The following EXOC2 variants were observed in gnomAD, a reference collection of about 807,000 sequenced individuals.
EXOC2 encodes SEC5-like 1.
Under a neutral mutation model 131.8 loss-of-function variants are expected in EXOC2, and 70 were observed. The ratio of observed to expected loss-of-function variants is 0.53; its 90% CI spans 0.44 to 0.65. EXOC2 has a LOEUF of 0.65. Ranked by LOEUF, EXOC2 falls within the 30% of genes least tolerant of loss-of-function variation. EXOC2 has a pLI of 0.00. For missense variants in EXOC2, 923 were observed against 1,108.6 expected (o/e 0.83, Z 2.38); for synonymous variants, 411 against 398.4 (o/e 1.03, Z -0.38).
intron 25 of EXOC2, among the ~76,000 whole-genome samples, chr6:493,297 A>ATAAC (rs1763539822): frequency 6.6e-6 from 1 of 152,238 alleles, no homozygotes; most frequent in African/African-American, 2.4e-5. Flanking sequence ...AAAACAGTAT[A>ATAAC]TAACTAGAAA....
At chr6:505,097 T>C (rs1764451740) in intron 23 of EXOC2, among the ~76,000 whole-genome samples, 1 of 151,828 alleles carries the variant, frequency 6.6e-6, no homozygotes, top group Admixed American at 6.6e-5. Flanking sequence ...GTACAAGGAA[T>C]GGCTAACAGT....
chr6:539,120 A>G (rs1274916488), intron 22 of EXOC2, among the ~76,000 whole-genome samples: 1 of 152,042 alleles, frequency 6.6e-6, no homozygotes, highest in Non-Finnish European at 1.5e-5. Context: ...CGCTTACGAT[A>G]TTTTCAATTT....
chr6:576,923 T>A (rs1257644602), intron 11 of EXOC2, 41 bp from the exon 12 acceptor site: 1 of 1,570,694 alleles, frequency 6.4e-7, no homozygotes, highest in Non-Finnish European at 8.7e-7. Context: ...TATAGCATGC[T>A]CTATATACTC....
chr6:586,515 T>C (rs1244551578), intron 11 of EXOC2, among the ~76,000 whole-genome samples: 1 of 152,232 alleles, frequency 6.6e-6, no homozygotes, highest in Non-Finnish European at 1.5e-5. Context: ...TTCACCTATG[T>C]ATAGCAAAAT....
intron 11 of EXOC2, 104 bp downstream of exon 11, chr6:592,365 T>C (rs1302660103): frequency 2.0e-6 from 2 of 977,024 alleles, no homozygotes; most frequent in African/African-American, 1.6e-5. Flanking sequence ...TAATAAGAGA[T>C]ACCAAGTAAA....
intron 17 of EXOC2, among the ~76,000 whole-genome samples, chr6:558,817 A>T (rs1757556606): frequency 6.6e-6 from 1 of 151,526 alleles, no homozygotes; most frequent in African/African-American, 2.4e-5. Context: ...GGCTCAAAAA[A>T]ATTAAAAATT....
chr6:656,310 T>G (rs1459607244), intron 1 of EXOC2: 16 of 1,614,076 alleles, frequency 9.9e-6, no homozygotes, highest in Non-Finnish European at 1.4e-5. Flanking sequence ...CACAGCCGAC[T>G]GGGGAGGGTT....
intron 1 of EXOC2, among the ~76,000 whole-genome samples, chr6:682,501 C>T (rs1345752619): frequency 6.6e-6 from 1 of 151,920 alleles, no homozygotes; most frequent in Non-Finnish European, 1.5e-5. Context: ...CGCCCGGCCC[C>T]GAGTTTCTAA....
At chr6:566,055 C>T (rs147939970) in intron 13 of EXOC2, among the ~76,000 whole-genome samples, 66 of 152,256 alleles carry the variant, frequency 4.3e-4, no homozygotes, top group African/African-American at 1.5e-3. Flanking sequence ...AACTACGCAG[C>T]TTTTATCATT....
chr6:487,658 G>A (rs1763157262), intron 27 of EXOC2, among the ~76,000 whole-genome samples: 1 of 152,106 alleles, frequency 6.6e-6, no homozygotes, highest in Non-Finnish European at 1.5e-5. Context: ...GCCCACCTCA[G>A]CCTCCCAAAG....
At chr6:551,203 ATCCCCC>A (rs1757125367) in intron 21 of EXOC2, among the ~76,000 whole-genome samples, 1 of 152,148 alleles carries the variant, frequency 6.6e-6, no homozygotes, top group African/African-American at 2.4e-5. Context: ...TATTTCAGTG[ATCCCCC>A]ACGTTCCGTT....
At chr6:679,989 C>T (rs1405219706) in intron 1 of EXOC2, among the ~76,000 whole-genome samples, 1 of 151,868 alleles carries the variant, frequency 6.6e-6, no homozygotes, top group South Asian at 2.1e-4. Flanking sequence ...GGATTCAAAA[C>T]CAGACCCTTG....
At chr6:646,723 G>T (rs1762594828) in intron 1 of EXOC2, among the ~76,000 whole-genome samples, 1 of 152,120 alleles carries the variant, frequency 6.6e-6, no homozygotes, top group South Asian at 2.1e-4. Flanking sequence ...ATATAAAATT[G>T]TATGTTTCAG....
At chr6:661,260 C>T (rs1763412499) in intron 1 of EXOC2, among the ~76,000 whole-genome samples, 1 of 152,088 alleles carries the variant, frequency 6.6e-6, no homozygotes, top group African/African-American at 2.4e-5. Context: ...TGCTAGAGAC[C>T]CAGACATCCA....
intron 12 of EXOC2, 23 bp downstream of exon 12, chr6:576,734 T>G: frequency 6.2e-7 from 1 of 1,609,814 alleles, no homozygotes. Context: ...AAAGACCCAG[T>G]GGCAGTGGAG....
intron 10 of EXOC2, among the ~76,000 whole-genome samples, chr6:595,405 G>A (rs924755966): frequency 6.6e-6 from 1 of 151,780 alleles, no homozygotes; most frequent in Non-Finnish European, 1.5e-5. Flanking sequence ...CATTTAAAAA[G>A]GTAACAATTG....
At chr6:665,303 G>A (rs983503990) in intron 1 of EXOC2, among the ~76,000 whole-genome samples, 9 of 145,754 alleles carry the variant, frequency 6.2e-5, no homozygotes, top group African/African-American at 1.0e-4. Flanking sequence ...GTGTAGATGC[G>A]GTGAACAGGG....
chr6:652,207 G>C (rs190041965), intron 1 of EXOC2, among the ~76,000 whole-genome samples: 10 of 152,182 alleles, frequency 6.6e-5, no homozygotes, highest in Admixed American at 6.5e-4. Flanking sequence ...AATTTTTAAA[G>C]ACTACTTCAG....
intron 22 of EXOC2, among the ~76,000 whole-genome samples, chr6:535,127 A>T (rs1177539639): frequency 6.6e-6 from 1 of 152,212 alleles, no homozygotes; most frequent in East Asian, 1.9e-4. Flanking sequence ...GGAAAAGATA[A>T]AGAACAGAAA....
Sources: allele counts gnomAD v4.1 joint callset (sites outside exome capture counted in the v4.1 genomes callset), GRCh38; gene constraint gnomAD v4.1.1; transcripts MANE v1.5; gene names NCBI Gene and HGNC (gene_info 2026-07-23, HGNC 2026-07-21).